The following MAGI2 variants were observed in gnomAD, a reference collection of about 807,000 sequenced individuals.
MAGI2 encodes the protein membrane-associated guanylate kinase, WW and PDZ domain-containing protein 2.
In MAGI2, 35 loss-of-function variants were observed where a neutral mutation model predicts 133.3. The ratio of observed to expected loss-of-function variants is 0.26; its 90% CI spans 0.20 to 0.35. The LOEUF (loss-of-function observed/expected upper bound fraction) is 0.35, where lower values mean the gene tolerates loss of function less well. MAGI2 is among the 10% of genes least tolerant of loss of function. The pLI, the probability that MAGI2 is intolerant of heterozygous loss-of-function variation, is 1.00. For missense variants in MAGI2, 1,636 were observed against 1,863.4 expected, an observed-to-expected ratio of 0.88 and a Z score of 2.25; for synonymous variants, 729 against 710.6, an observed-to-expected ratio of 1.03 and a Z score of -0.41.
chr7:79,028,251 A>G (rs866530307), intron 1 of MAGI2, among the ~76,000 whole-genome samples: 7 of 24,464 alleles, frequency 2.9e-4, no homozygotes, highest in African/African-American at 6.8e-4. Flanking sequence ...ATATATATAT[A>G]TATATATATA....
At chr7:78,888,314 C>G (rs918693480) in intron 2 of MAGI2, among the ~76,000 whole-genome samples, 8 of 152,198 alleles carry the variant, frequency 5.3e-5, no homozygotes, top group Non-Finnish European at 7.3e-5. Flanking sequence ...CAGGGCATAG[C>G]CAAACAAAAG....
At chr7:79,044,282 T>C (rs1213361810) in intron 1 of MAGI2, among the ~76,000 whole-genome samples, 5 of 152,110 alleles carry the variant, frequency 3.3e-5, no homozygotes, top group African/African-American at 1.2e-4. Context: ...TAACAATAAA[T>C]GTGATCAATA....
chr7:79,130,684 TA>T (rs2129545333), intron 1 of MAGI2, among the ~76,000 whole-genome samples: 1 of 152,330 alleles, frequency 6.6e-6, no homozygotes, highest in African/African-American at 2.4e-5. Flanking sequence ...TTAATGAATA[TA>T]AAAATTTCAA....
chr7:78,623,347 C>A (rs2150945301), intron 3 of MAGI2, among the ~76,000 whole-genome samples: 1 of 151,922 alleles, frequency 6.6e-6, no homozygotes, highest in Non-Finnish European at 1.5e-5. Context: ...TGTGTGCAAA[C>A]TAATGAATGT....
intron 1 of MAGI2, among the ~76,000 whole-genome samples, chr7:79,160,523 A>G (rs1824250659): frequency 6.6e-6 from 1 of 152,092 alleles, no homozygotes; most frequent in African/African-American, 2.4e-5. Flanking sequence ...TTGTAAAAAT[A>G]ACCCCTTTAA....
chr7:79,042,947 A>G (rs916338976), intron 1 of MAGI2, among the ~76,000 whole-genome samples: 10 of 152,112 alleles, frequency 6.6e-5, no homozygotes, highest in Non-Finnish European at 1.3e-4. Context: ...AAACTATACA[A>G]TCATGGAAAT....
chr7:78,888,064 G>A (rs1339245662), intron 2 of MAGI2, among the ~76,000 whole-genome samples: 1 of 152,174 alleles, frequency 6.6e-6, no homozygotes, highest in Non-Finnish European at 1.5e-5. Flanking sequence ...CTTAGCAAAC[G>A]GCATACCAGG....
intron 2 of MAGI2, among the ~76,000 whole-genome samples, chr7:78,663,949 C>A (rs1813258721): frequency 6.6e-6 from 1 of 152,154 alleles, no homozygotes; most frequent in African/African-American, 2.4e-5. Flanking sequence ...TAATACATTG[C>A]AACATTTTTT....
intron 1 of MAGI2, among the ~76,000 whole-genome samples, chr7:79,122,391 G>A (rs530152658): frequency 2.6e-4 from 39 of 152,078 alleles, no homozygotes; most frequent in African/African-American, 8.0e-4. Flanking sequence ...AAACTGTCTC[G>A]GGAAACACTG....
At chr7:78,588,383 G>A (rs766452138) in intron 3 of MAGI2, among the ~76,000 whole-genome samples, 3 of 152,202 alleles carry the variant, frequency 2.0e-5, no homozygotes, top group Non-Finnish European at 4.4e-5. Flanking sequence ...AATCATTTGG[G>A]TGATGTGAAA....
At chr7:78,219,233 G>T (rs369795058) in intron 10 of MAGI2, among the ~76,000 whole-genome samples, 1 of 152,124 alleles carries the variant, frequency 6.6e-6, no homozygotes, top group African/African-American at 2.4e-5. Flanking sequence ...AGAGGAATTG[G>T]TAGTGCTGTG....
intron 2 of MAGI2, among the ~76,000 whole-genome samples, chr7:78,758,696 T>C (rs1215324331): frequency 1.3e-5 from 2 of 152,190 alleles, no homozygotes; most frequent in African/African-American, 4.8e-5. Context: ...GCCTCATATC[T>C]GTGTTGACTA....
At chr7:78,813,525 C>T (rs1049709027) in intron 2 of MAGI2, among the ~76,000 whole-genome samples, 26 of 152,056 alleles carry the variant, frequency 1.7e-4, no homozygotes, top group African/African-American at 5.8e-4. Flanking sequence ...ATGGCTCACG[C>T]CTGTAATCCC....
At chr7:78,515,960 G>A (rs1796006364) in intron 4 of MAGI2, among the ~76,000 whole-genome samples, 1 of 152,192 alleles carries the variant, frequency 6.6e-6, no homozygotes, top group African/African-American at 2.4e-5. Flanking sequence ...TGCCAGACAT[G>A]CACATTATGA....
chr7:79,079,349 C>T (rs1032921685), intron 1 of MAGI2, among the ~76,000 whole-genome samples: 18 of 152,218 alleles, frequency 1.2e-4, no homozygotes, highest in African/African-American at 4.3e-4. Context: ...TTTTCTGTGA[C>T]ATATTCATAT....
intron 3 of MAGI2, among the ~76,000 whole-genome samples, chr7:78,595,798 T>C (rs1295519131): frequency 6.6e-6 from 1 of 152,176 alleles, no homozygotes; most frequent in Non-Finnish European, 1.5e-5. Context: ...GTATTTTGAA[T>C]GTATCGGTAG....
chr7:78,598,937 A>G (rs915745990), intron 3 of MAGI2, among the ~76,000 whole-genome samples: 1 of 152,160 alleles, frequency 6.6e-6, no homozygotes, highest in African/African-American at 2.4e-5. Context: ...CTTATGGGAC[A>G]TCAAACAGAC....
At chr7:78,981,643 C>T (rs771019760) in intron 2 of MAGI2, among the ~76,000 whole-genome samples, 13 of 151,706 alleles carry the variant, frequency 8.6e-5, no homozygotes, top group Admixed American at 2.6e-4. Context: ...GTAGATTGTA[C>T]CCTTGTATAG....
At chr7:79,187,698 A>G (rs1243405962) in intron 1 of MAGI2, among the ~76,000 whole-genome samples, 1 of 151,960 alleles carries the variant, frequency 6.6e-6, no homozygotes, top group Middle Eastern at 3.4e-3. Flanking sequence ...TTACGGATTT[A>G]TGGTTGAAAT....
Sources: gnomAD v4.1 joint callset for allele counts (sites outside exome capture counted in the v4.1 genomes callset) on GRCh38, gnomAD v4.1.1 for gene constraint, MANE v1.5 for transcripts, NCBI Gene and HGNC (gene_info 2026-07-23, HGNC 2026-07-21) for gene names.